Variants in OLFM2 observed in about 807,000 individuals in gnomAD.
OLFM2 encodes the protein olfactomedin 2.
OLFM2 carries 20 observed loss-of-function variants against 43.9 expected under a neutral mutation model. The ratio of observed to expected loss-of-function variants is 0.46; its 90% CI spans 0.32 to 0.66. The LOEUF is 0.66. OLFM2 is among the 30% of genes least tolerant of loss of function. The pLI, the probability that OLFM2 is intolerant of heterozygous loss-of-function variation, is 0.04. For synonymous variants in OLFM2, 268 were observed against 278.6 expected (o/e 0.96, Z 0.38); for missense variants, 416 against 643.6 (o/e 0.65, Z 3.83).
chr19:9,857,125 C>CT lies in OLFM2; in HGVS notation c.580+137dup. 1.1e-6 allele frequency: 1 copy of CT among 921,216 alleles called. No individual in the cohort carries two copies. Among genetic ancestry groups the CT allele is most frequent in the South Asian group, 1.5e-5 (1 of 66,106 alleles). 57.1% of individuals were successfully genotyped at this position (921,216 alleles called of 1,614,324 possible). On this transcript the variant is annotated intron_variant, in intron 4 of 5. Coordinates refer to ENST00000264833, the MANE Select transcript of OLFM2 (RefSeq NM_058164.4). This position sits in a 1 kb window ranked among gnomAD's most constrained non-coding sequence, Gnocchi z 5.7. Reference sequence around the variant, plus strand: ...TCCAGCTTCTGGACTCAAGTGTAGCCTTAGGTAGGAAGGTCAAGGGTTGAG... The same window carrying CT: ...TCCAGCTTCTGGACTCAAGTGTAGCCTTTAGGTAGGAAGGTCAAGGGTTGAG...
At chr19:9,920,621 C>A (rs910148305) in intron 1 of OLFM2, among the ~76,000 whole-genome samples, 1 of 151,894 alleles carries the variant, frequency 6.6e-6, no homozygotes, top group African/African-American at 2.4e-5. Context: ...TGGGGCTAGG[C>A]GCGGTGGCTC....
chr19:9,923,198 G>A (rs113249046), intron 1 of OLFM2, among the ~76,000 whole-genome samples: 3 of 152,040 alleles, frequency 2.0e-5, no homozygotes, highest in South Asian at 4.1e-4. Flanking sequence ...ATCAATACTC[G>A]CTGGGGCATT....
chr19:9,913,725 AG>A, intron 1 of OLFM2: 1 of 992,288 alleles, frequency 1.0e-6, no homozygotes, highest in Non-Finnish European at 1.2e-6. Flanking sequence ...GGCGTGGGGG[AG>A]GGGGCACGAG....
chr19:9,899,924 T>C (rs566756078), intron 1 of OLFM2, among the ~76,000 whole-genome samples: 1 of 152,196 alleles, frequency 6.6e-6, no homozygotes, highest in South Asian at 2.1e-4. Flanking sequence ...TCTTGTTTAT[T>C]TGTTTGTTAT....
At chr19:9,860,498 T>A in intron 2 of OLFM2, 147 bp downstream of exon 2, 1 of 734,116 alleles carries the variant, frequency 1.4e-6, no homozygotes, top group Non-Finnish European at 2.1e-6. Context: ...AAAAAGGACC[T>A]GCCTGGAGAG....
rs1240241881 is a variant in OLFM2 at position 9,857,352 on chromosome 19, T to C, written c.491A>G (p.Gln164Arg). ...RNLSGSLAAIQEEMGAYGYED... is the reference protein window; with the variant it reads ...RNLSGSLAAIREEMGAYGYED... ...ATACCCGTAGGCACCCATCTCCTCCTGAATGGCCGCCAGACTGCCGGAGAG... is the reference window on the plus strand; with the variant it reads ...ATACCCGTAGGCACCCATCTCCTCCCGAATGGCCGCCAGACTGCCGGAGAG... Residue 164 changes from glutamine to arginine, a missense_variant, in exon 4 of 6, where the codon CAG becomes CGG. Coordinates refer to ENST00000264833, the MANE Select transcript of OLFM2 (RefSeq NM_058164.4). The surrounding 1 kb of genome is among the most constrained non-coding windows in gnomAD (Gnocchi z 5.7). The C allele has an allele frequency of 6.2e-7, 1 of 1,614,084 alleles. No individual in the cohort carries two copies. The highest frequency in any genetic ancestry group is 8.5e-7 in the Non-Finnish European group (1 of 1,180,028).
chr19:9,930,489 G>A (rs1294692920), intron 1 of OLFM2, among the ~76,000 whole-genome samples: 3 of 152,160 alleles, frequency 2.0e-5, no homozygotes, highest in African/African-American at 7.2e-5. Flanking sequence ...CCAGGAGTTG[G>A]AGGCTTCAGT....
intron 1 of OLFM2, among the ~76,000 whole-genome samples, chr19:9,873,489 C>T (rs1371491453): frequency 6.6e-6 from 1 of 152,116 alleles, no homozygotes; most frequent in East Asian, 1.9e-4. Flanking sequence ...GGGTCTCAAG[C>T]AGTTGTCCAG....
At chr19:9,897,315 G>A (rs2046694444) in intron 1 of OLFM2, among the ~76,000 whole-genome samples, 1 of 141,456 alleles carries the variant, frequency 7.1e-6, no homozygotes, top group African/African-American at 2.6e-5. Context: ...GCAACAGAGT[G>A]AGACTTCGTC....
chr19:9,874,472 C>T (rs775786292), intron 1 of OLFM2, among the ~76,000 whole-genome samples: 2 of 151,310 alleles, frequency 1.3e-5, no homozygotes, highest in African/African-American at 4.9e-5. Flanking sequence ...CAGCCACCAC[C>T]GGCTTTTATT....
In OLFM2 at chr19:9,880,750, C is replaced by G. The variant is rs2046532929; in HGVS notation, c.64-19956G>C. 2.0e-5 allele frequency among the ~76,000 whole-genome samples: 3 copies of G among 152,152 alleles called. No homozygotes were observed. The South Asian group carries it at 6.2e-4, about 31-fold the overall frequency. On this transcript the variant is annotated intron_variant, in intron 1 of 5. Transcript: ENST00000264833. ...AATGCTTTGATTTCAGACTTCAAGC[C>G]TCTAGGATTGTGAGAAATTAAATTT...
At chr19:9,935,339 G>A (rs917754646) in intron 1 of OLFM2, among the ~76,000 whole-genome samples, 12 of 152,114 alleles carry the variant, frequency 7.9e-5, no homozygotes, top group African/African-American at 2.9e-4. Flanking sequence ...CAAGATGGAG[G>A]AGGAGAGGGG....
chr19:9,861,335 C>T (rs1406587736), intron 1 of OLFM2, among the ~76,000 whole-genome samples: 1 of 151,794 alleles, frequency 6.6e-6, no homozygotes, highest in Non-Finnish European at 1.5e-5. Flanking sequence ...AACACCTGGC[C>T]TCCACTCCAG....
chr19:9,857,591 G>T lies in OLFM2; in HGVS notation c.361-109C>A. 2.6e-6 allele frequency: 4 copies of T among 1,551,318 alleles called. No homozygotes were observed. The highest frequency in any genetic ancestry group is 3.5e-6 in the Non-Finnish European group (4 of 1,129,774). ...ACCCTTTGTCTTTGATGCACACCTG[G>T]CCCTTGACATGTGGCTCATATTGGA... is the stretch of plus-strand genomic sequence containing the variant. On this transcript the variant is annotated intron_variant, in intron 3 of 5. Coordinates refer to ENST00000264833, the MANE Select transcript of OLFM2 (RefSeq NM_058164.4). The surrounding 1 kb of genome is among the most constrained non-coding windows in gnomAD (Gnocchi z 5.7).
chr19:9,881,328 T>C (rs1049818070), intron 1 of OLFM2, among the ~76,000 whole-genome samples: 1 of 152,172 alleles, frequency 6.6e-6, no homozygotes, highest in African/African-American at 2.4e-5. Context: ...CCTGGGACCC[T>C]GCCCTATACA....
chr19:9,915,235 CTCTCTT>C (rs1364149121), intron 1 of OLFM2, among the ~76,000 whole-genome samples: 15 of 120,642 alleles, frequency 1.2e-4, no homozygotes, highest in Admixed American at 3.9e-4. Flanking sequence ...TTTCTTTTCT[CTCTCTT>C]TTTTTTTTTT....
At chr19:9,889,814 T>C (rs1862470) in intron 1 of OLFM2, among the ~76,000 whole-genome samples, 148,052 of 152,230 alleles carry the variant, frequency 0.97, 72,290 homozygotes, top group Middle Eastern at 1. Context: ...CTCTGTGAGC[T>C]TTGGATGGGG....
At chr19:9,885,971 C>T (rs1163433722) in intron 1 of OLFM2, among the ~76,000 whole-genome samples, 1 of 151,850 alleles carries the variant, frequency 6.6e-6, no homozygotes, top group African/African-American at 2.4e-5. Flanking sequence ...GTGGCGCACA[C>T]CTGTAGTCCC....
At chr19:9,930,065 A>G (rs1293716437) in intron 1 of OLFM2, among the ~76,000 whole-genome samples, 2 of 152,004 alleles carry the variant, frequency 1.3e-5, no homozygotes, top group East Asian at 3.9e-4. Context: ...GAAAGAAAGA[A>G]ATCCACACAT....
Sources: gnomAD v4.1 joint callset for allele counts (sites outside exome capture counted in the v4.1 genomes callset) on GRCh38, gnomAD v4.1.1 for gene constraint, Gnocchi (gnomAD v3.1) non-coding constraint, MANE v1.5 for transcripts, NCBI Gene and HGNC (gene_info 2026-07-23, HGNC 2026-07-21) for gene names.